The following DNAJC3 variants were observed in gnomAD, a reference collection of about 807,000 sequenced individuals.
DNAJC3 encodes the protein DnaJ heat shock protein family (Hsp40) member C3, also known as dnaJ homolog subfamily C member 3.
Under a neutral mutation model 68.6 loss-of-function variants are expected in DNAJC3, and 38 were observed. The ratio of observed to expected loss-of-function variants is 0.55; its 90% CI spans 0.43 to 0.73. The LOEUF (loss-of-function observed/expected upper bound fraction) is 0.73. Among genes scored for constraint, DNAJC3 ranks in the 30% least tolerant of loss-of-function variants. The pLI is 0.00. For synonymous variants in DNAJC3, 203 were observed against 204.0 expected, an observed-to-expected ratio of 1.00 and a Z score of 0.04; for missense variants, 526 against 591.9, an observed-to-expected ratio of 0.89 and a Z score of 1.16.
chr13:95,723,880 T>C (rs1286847151), intron 3 of DNAJC3, among the ~76,000 whole-genome samples: 1 of 151,842 alleles, frequency 6.6e-6, no homozygotes, highest in Admixed American at 6.6e-5. Context: ...ATCCTGATGA[T>C]TGGCAGGTCA....
intron 2 of DNAJC3, among the ~76,000 whole-genome samples, chr13:95,718,875 C>T (rs1881234400): frequency 6.6e-6 from 1 of 152,198 alleles, no homozygotes; most frequent in African/African-American, 2.4e-5. Context: ...CTTCAGCAGA[C>T]AGCAGCTGGA....
chr13:95,709,900 A>G (rs764777821), intron 2 of DNAJC3, among the ~76,000 whole-genome samples: 6 of 152,064 alleles, frequency 3.9e-5, no homozygotes, highest in Admixed American at 6.5e-5. Context: ...CGGCCTCCCA[A>G]AGTGCTGGGA....
At chr13:95,723,097 A>G in intron 2 of DNAJC3, 145 bp from the exon 3 acceptor site, 9 of 776,342 alleles carry the variant, frequency 1.2e-5, no homozygotes, top group Non-Finnish European at 1.7e-5. Flanking sequence ...GCTAGGCAAC[A>G]TGACTCTTTT....
chr13:95,683,375 G>T (rs1233143357), intron 1 of DNAJC3, among the ~76,000 whole-genome samples: 1 of 152,120 alleles, frequency 6.6e-6, no homozygotes, highest in Non-Finnish European at 1.5e-5. Context: ...GGAAGTGATT[G>T]GATCATGGGG....
chr13:95,677,426 G>A, intron 1 of DNAJC3, 89 bp downstream of exon 1: 1 of 1,384,686 alleles, frequency 7.2e-7, no homozygotes, highest in Non-Finnish European at 9.7e-7. Context: ...CTGTCCCGGA[G>A]CGGCTCGGGA....
At chr13:95,711,307 G>A (rs573586497) in intron 2 of DNAJC3, among the ~76,000 whole-genome samples, 3 of 152,186 alleles carry the variant, frequency 2.0e-5, no homozygotes, top group Admixed American at 6.5e-5. Flanking sequence ...GGACCAGCCC[G>A]GACAACATGG....
chr13:95,692,769 C>T (rs1009183324), intron 1 of DNAJC3: 4 of 152,004 alleles, frequency 2.6e-5, no homozygotes, highest in African/African-American at 9.7e-5. Context: ...TTACAATACT[C>T]ACAATTGACA....
At chr13:95,691,230 C>T (rs546927824) in intron 1 of DNAJC3, among the ~76,000 whole-genome samples, 2,568 of 151,860 alleles carry the variant, frequency 0.017, 78 homozygotes, top group African/African-American at 0.059. Context: ...AGGTGGCTGC[C>T]GGGCGGAGAC....
chr13:95,790,341 C>T (rs373409178), intron 11 of DNAJC3, among the ~76,000 whole-genome samples: 42 of 152,272 alleles, frequency 2.8e-4, no homozygotes, highest in East Asian at 9.7e-4. Flanking sequence ...TCAGAGGCCC[C>T]GCTGTGGGGG....
At chr13:95,705,078 C>G (rs1020374979) in intron 1 of DNAJC3, among the ~76,000 whole-genome samples, 1 of 151,976 alleles carries the variant, frequency 6.6e-6, no homozygotes, top group African/African-American at 2.4e-5. Context: ...TCTTGAATTC[C>G]TGACCTCAGG....
chr13:95,736,785 C>G (rs1320530888), intron 4 of DNAJC3, among the ~76,000 whole-genome samples: 1 of 145,250 alleles, frequency 6.9e-6, no homozygotes, highest in Non-Finnish European at 1.5e-5. Context: ...ATTTGACTTC[C>G]TCTTTTCCTA....
Position 95,794,617 on chromosome 13 carries a change from T to TTTTG in DNAJC3, c.*3595_*3598dup, listed in dbSNP as rs945356697. 4 of 152,358 alleles carry TTTTG rather than the reference T, an allele frequency of 2.6e-5. No homozygotes were observed. Among genetic ancestry groups the TTTTG allele is most frequent in the East Asian group, 1.9e-4 (1 of 5,186 alleles). The allele number at this position is 152,358 out of a possible 1,614,324, so 9.4% of individuals were successfully genotyped here. Reference sequence around the variant, plus strand: ...AGAGGTGGGATTATTTGGGGGTTTTTTTTGTTTGTTTACAGATGATCTCAT... The same window carrying TTTTG: ...AGAGGTGGGATTATTTGGGGGTTTTTTTTGTTTGTTTGTTTACAGATGATCTCAT... On this transcript the variant is annotated 3_prime_UTR_variant, in exon 12 of 12. Transcript: ENST00000602402.
intron 9 of DNAJC3, among the ~76,000 whole-genome samples, chr13:95,773,474 A>T (rs1446161832): frequency 6.6e-6 from 1 of 151,546 alleles, no homozygotes; most frequent in Non-Finnish European, 1.5e-5. Context: ...ACCTGGCCTT[A>T]TTTAGTTTTA....
At chr13:95,741,318 G>T (rs1882135721) in intron 4 of DNAJC3, among the ~76,000 whole-genome samples, 1 of 152,122 alleles carries the variant, frequency 6.6e-6, no homozygotes, top group African/African-American at 2.4e-5. Context: ...CATATAATTT[G>T]GCTGGCTGTA....
At chr13:95,790,814 TC>T in intron 11 of DNAJC3, 58 bp from the exon 12 acceptor site, 1 of 1,551,828 alleles carries the variant, frequency 6.4e-7, no homozygotes. Context: ...AAGAAAACAT[TC>T]CCCCTGCCCC....
chr13:95,731,812 G>T (rs1881723220), intron 4 of DNAJC3, among the ~76,000 whole-genome samples: 1 of 151,874 alleles, frequency 6.6e-6, no homozygotes, highest in South Asian at 2.1e-4. Context: ...ATGACTCACT[G>T]CAGCCTCAAC....
In DNAJC3 at chr13:95,696,039, C is replaced by T. The variant is rs145521176; in HGVS notation, c.83-13188C>T. On this transcript the variant is annotated intron_variant, in intron 1 of 11. Transcript: ENST00000602402. Reference sequence around the variant, plus strand: ...CATAGTACATACACACATAACCTTACACTAAAGAGCCATTCCACATGCATA... The same window carrying T: ...CATAGTACATACACACATAACCTTATACTAAAGAGCCATTCCACATGCATA... Among the ~76,000 whole-genome samples the T allele has an allele frequency of 4.8e-4, 73 of 152,266 alleles. No homozygotes were observed. In the East Asian group the frequency reaches 0.013, roughly 27 times the overall value.
chr13:95,697,937 G>C (rs778638278), intron 1 of DNAJC3, among the ~76,000 whole-genome samples: 22 of 151,686 alleles, frequency 1.5e-4, no homozygotes, highest in Non-Finnish European at 2.9e-4. Context: ...TCTCATTTCT[G>C]AATTTTCATT....
rs561909164 is a variant in DNAJC3, at chr13:95,742,694, C to G, written c.394-14950C>G. On this transcript the variant is annotated intron_variant, in intron 4 of 11. Coordinates refer to ENST00000602402, the MANE Select transcript of DNAJC3 (RefSeq NM_006260.5). ...TTCTCTCCTAGATGATCTATACTTG[C>G]TATTTTGGTTCTTCCTTATGAAGAA... 82 of 518,958 alleles carry G rather than the reference C, an allele frequency of 1.6e-4. 1 individual carries two copies. Among genetic ancestry groups the G allele is most frequent in the South Asian group, 1.1e-3 (81 of 71,584 alleles). The allele number at this position is 518,958 out of a possible 1,614,324, so 32.1% of individuals were successfully genotyped here.
Sources: allele counts gnomAD v4.1 joint callset (sites outside exome capture counted in the v4.1 genomes callset), GRCh38; gene constraint gnomAD v4.1.1; transcripts MANE v1.5; gene names NCBI Gene and HGNC (gene_info 2026-07-23, HGNC 2026-07-21).